Variants in ATG7 observed in about 807,000 individuals in gnomAD.
ATG7 encodes ubiquitin-like modifier-activating enzyme ATG7.
A neutral mutation model predicts 82.4 loss-of-function variants in ATG7; 70 were observed. The ratio of observed to expected loss-of-function variants is 0.85; its 90% CI spans 0.70 to 1.04. The LOEUF (loss-of-function observed/expected upper bound fraction) is 1.04. ATG7 is among the 50% of genes least tolerant of loss of function. ATG7 has a pLI of 0.00. For synonymous variants in ATG7, 287 were observed against 313.0 expected, an observed-to-expected ratio of 0.92 and a Z score of 0.88; for missense variants, 792 against 864.3, an observed-to-expected ratio of 0.92 and a Z score of 1.05.
intron 20 of ATG7, among the ~76,000 whole-genome samples, chr3:11,436,689 TA>T (rs1254792853): frequency 2.6e-5 from 4 of 152,304 alleles, no homozygotes; most frequent in African/African-American, 9.6e-5. Context: ...AATGGATGGA[TA>T]AAATGTCAGC....
chr3:11,419,523 C>T (rs1469207225), intron 19 of ATG7, among the ~76,000 whole-genome samples: 2 of 152,100 alleles, frequency 1.3e-5, no homozygotes, highest in Non-Finnish European at 2.9e-5. Flanking sequence ...CACTGTACTC[C>T]AGCCTGGGCA....
At chr3:11,275,115 C>T (rs1404680349) in intron 1 of ATG7, among the ~76,000 whole-genome samples, 1 of 151,966 alleles carries the variant, frequency 6.6e-6, no homozygotes, top group South Asian at 2.1e-4. Context: ...GTGGAATTTG[C>T]TGGACTTGGT....
chr3:11,348,072 G>A (rs942010718), intron 14 of ATG7, 37 bp downstream of exon 14: 72 of 1,579,786 alleles, frequency 4.6e-5, no homozygotes, highest in Non-Finnish European at 6.0e-5. Context: ...TCTGTTATAT[G>A]TATAAATGTT....
chr3:11,279,808 T>C (rs1271222883), intron 1 of ATG7, among the ~76,000 whole-genome samples: 1 of 152,190 alleles, frequency 6.6e-6, no homozygotes, highest in Non-Finnish European at 1.5e-5. Flanking sequence ...CCTCCTCCTA[T>C]AACATTCTGT....
chr3:11,410,282 G>T (rs1045326748), intron 19 of ATG7, among the ~76,000 whole-genome samples: 16 of 152,000 alleles, frequency 1.1e-4, no homozygotes, highest in Non-Finnish European at 2.1e-4. Context: ...CATTTTGTTA[G>T]ATTTGTACCT....
chr3:11,435,322 T>C (rs755182517), intron 20 of ATG7, among the ~76,000 whole-genome samples: 4 of 152,206 alleles, frequency 2.6e-5, no homozygotes, highest in Non-Finnish European at 5.9e-5. Context: ...TAATTCAGCC[T>C]AATAACTTAC....
At chr3:11,550,801 T>C (rs1298113357) in intron 20 of ATG7, among the ~76,000 whole-genome samples, 1 of 152,136 alleles carries the variant, frequency 6.6e-6, no homozygotes, top group Non-Finnish European at 1.5e-5. Context: ...GCATATTGCA[T>C]GCATGTGTTT....
chr3:11,297,035 C>T (rs889362978), intron 3 of ATG7, among the ~76,000 whole-genome samples: 1 of 152,172 alleles, frequency 6.6e-6, no homozygotes, highest in Non-Finnish European at 1.5e-5. Flanking sequence ...CAAAACCTCC[C>T]TGAGTAGATA....
intron 20 of ATG7, among the ~76,000 whole-genome samples, chr3:11,554,458 G>C (rs1009871374): frequency 5.9e-5 from 9 of 152,222 alleles, no homozygotes; most frequent in African/African-American, 2.2e-4. Context: ...ACCACAAGGA[G>C]AACAAGCTGG....
At chr3:11,543,638 G>T (rs1025139589) in intron 20 of ATG7, among the ~76,000 whole-genome samples, 60 of 152,342 alleles carry the variant, frequency 3.9e-4, no homozygotes, top group African/African-American at 1.4e-3. Context: ...GGTGGCTCAT[G>T]CCTGTACTCC....
At chr3:11,336,236 T>C (rs1375278628) in intron 11 of ATG7, among the ~76,000 whole-genome samples, 1 of 151,748 alleles carries the variant, frequency 6.6e-6, no homozygotes, top group African/African-American at 2.4e-5. Context: ...GGTTTCACCG[T>C]GTACCCAGGC....
the ATG7 span, chr3:11,568,716 T>C: frequency 2.6e-6 from 4 of 1,546,602 alleles, no homozygotes; most frequent in Non-Finnish European, 3.5e-6. This position sits in a 1 kb window ranked among gnomAD's most constrained non-coding sequence, Gnocchi z 5.9. Flanking sequence ...CGTCATGTGC[T>C]CCCGGGGACG....
chr3:11,285,159 T>A (rs1490910189), intron 3 of ATG7, among the ~76,000 whole-genome samples: 11 of 118,860 alleles, frequency 9.3e-5, no homozygotes, highest in African/African-American at 2.4e-4. Flanking sequence ...TTTTTTTTTT[T>A]AAAAGCCCGG....
At chr3:11,457,708 C>T (rs778748483) in intron 20 of ATG7, among the ~76,000 whole-genome samples, 4 of 152,104 alleles carry the variant, frequency 2.6e-5, no homozygotes, top group Non-Finnish European at 5.9e-5. Flanking sequence ...GTGCCCCTCG[C>T]TTATGGGTGT....
At chr3:11,552,139 A>C (rs1339282528) in intron 20 of ATG7, among the ~76,000 whole-genome samples, 1 of 152,134 alleles carries the variant, frequency 6.6e-6, no homozygotes, top group East Asian at 1.9e-4. Context: ...GCTCTTACTA[A>C]ATACTTTTTC....
At chr3:11,526,737 T>C (rs952558388) in intron 20 of ATG7, among the ~76,000 whole-genome samples, 9 of 152,214 alleles carry the variant, frequency 5.9e-5, no homozygotes, top group African/African-American at 1.9e-4. Context: ...TTTCTTGTTT[T>C]ACTGCATTCA....
Position 11,445,094 on chromosome 3 carries a change from A to G in ATG7, c.2079+18168A>G, listed in dbSNP as rs141154576. Among the ~76,000 whole-genome samples, 4 of 152,334 alleles carry G rather than the reference A, an allele frequency of 2.6e-5. No individual in the cohort carries two copies. In the East Asian group the frequency reaches 5.8e-4, roughly 22 times the overall value. On this transcript the variant is annotated intron_variant, in intron 20 of 20. Coordinates refer to ENST00000693202, the MANE Select transcript of ATG7 (RefSeq NM_001349232.2). ...TGTGGTGAAAAAGGAACGCTTATAC[A>G]CTATTGGTGGAAGTGTAAATTAGTT...
rs542219032 is a variant in ATG7 at position 11,528,754 on chromosome 3, A to T, written c.2080-26057A>T. ...GGCAGGAGAATCACTTGAACCCAGG[A>T]GGCGGAGGTTGCAGTGAGCCGAGAT... On this transcript the variant is annotated intron_variant, in intron 20 of 20. Coordinates refer to ENST00000693202, the MANE Select transcript of ATG7 (RefSeq NM_001349232.2). Among the ~76,000 whole-genome samples, 5 of 141,712 alleles carry T rather than the reference A, an allele frequency of 3.5e-5. No individual in the cohort carries two copies. The East Asian group carries it at 9.0e-4, about 26-fold the overall frequency. The allele number at this position is 141,712 out of a possible 152,430, so 93.0% of individuals were successfully genotyped here. A position where few individuals can be genotyped will look rare whatever the true frequency, so the allele number is the denominator to read the frequency against.
intron 19 of ATG7, among the ~76,000 whole-genome samples, chr3:11,391,961 G>T (rs113372221): frequency 2.8e-5 from 4 of 142,754 alleles, no homozygotes; most frequent in Admixed American, 6.8e-5. Context: ...TACTTATTGG[G>T]GGGGGGGTAA....
Sources: allele counts gnomAD v4.1 joint callset (sites outside exome capture counted in the v4.1 genomes callset), GRCh38; gene constraint gnomAD v4.1.1; non-coding constraint Gnocchi (gnomAD v3.1); transcripts MANE v1.5; gene names NCBI Gene and HGNC (gene_info 2026-07-23, HGNC 2026-07-21).